Variants in PLCG2 observed in about 807,000 individuals in gnomAD.
The protein encoded by PLCG2 is 1-phosphatidylinositol 4,5-bisphosphate phosphodiesterase gamma-2.
Under a neutral mutation model 175.6 loss-of-function variants are expected in PLCG2, and 69 were observed. That is an observed-to-expected ratio of 0.39 (90% CI 0.32 to 0.48). The LOEUF (loss-of-function observed/expected upper bound fraction) is 0.48, where lower values mean the gene tolerates loss of function less well. Among genes scored for constraint, PLCG2 ranks in the 20% least tolerant of loss-of-function variants. The pLI is 0.91. For missense variants in PLCG2, 1,798 were observed against 1,650.9 expected (o/e 1.09, Z -1.54); for synonymous variants, 827 against 624.0 (o/e 1.33, Z -4.85).
intron 5 of PLCG2, among the ~76,000 whole-genome samples, chr16:81,867,008 T>C (rs1366598314): frequency 6.6e-6 from 1 of 152,202 alleles, no homozygotes; most frequent in Non-Finnish European, 1.5e-5. Flanking sequence ...GCCCTCAAGG[T>C]CTGTCTGTGA....
Position 81,785,981 on chromosome 16 carries a change from C to T in PLCG2, c.-9C>T, listed in dbSNP as rs752145398. On this transcript the variant is annotated 5_prime_UTR_variant, in exon 2 of 33. Coordinates refer to ENST00000564138, the MANE Select transcript of PLCG2 (RefSeq NM_002661.5). The stretch of plus-strand genomic sequence containing the variant: ...CCCGATTCCTTCCTTCTCCCTGGAG[C>T]GGCCGACAATGTCCACCACGGTCAA... The T allele has an allele frequency of 4.9e-5, 79 of 1,609,598 alleles. No homozygotes were observed. The highest frequency in any genetic ancestry group is 5.6e-5 in the Non-Finnish European group (66 of 1,176,808).
At chr16:81,787,932 G>A (rs181861364) in intron 2 of PLCG2, among the ~76,000 whole-genome samples, 135 of 151,680 alleles carry the variant, frequency 8.9e-4, no homozygotes, top group African/African-American at 3.2e-3. Context: ...ATCACGATAC[G>A]TTGTATGGGT....
chr16:81,905,885 C>T (rs1046989756), intron 15 of PLCG2, among the ~76,000 whole-genome samples: 39 of 152,158 alleles, frequency 2.6e-4, no homozygotes, highest in African/African-American at 7.7e-4. Context: ...ATTTCAAACT[C>T]CTGGGCTCAA....
chr16:81,783,121 T>C (rs1283118461), intron 1 of PLCG2: 1 of 490,426 alleles, frequency 2.0e-6, no homozygotes, highest in Non-Finnish European at 4.1e-6. Context: ...CTTGTCCTGG[T>C]TTCTGTCTAA....
At chr16:81,822,183 G>C (rs1425879538) in intron 2 of PLCG2, among the ~76,000 whole-genome samples, 1 of 152,106 alleles carries the variant, frequency 6.6e-6, no homozygotes, top group Non-Finnish European at 1.5e-5. Context: ...GGGTGTGGGG[G>C]ATTGAGATTT....
intron 21 of PLCG2, among the ~76,000 whole-genome samples, chr16:81,922,666 A>T (rs1910106166): frequency 6.6e-6 from 1 of 152,160 alleles, no homozygotes; most frequent in African/African-American, 2.4e-5. Flanking sequence ...CTGTGTTCTG[A>T]GGAAAAATTT....
intron 7 of PLCG2, among the ~76,000 whole-genome samples, chr16:81,873,069 A>T (rs939225603): frequency 4.6e-5 from 7 of 152,134 alleles, no homozygotes; most frequent in African/African-American, 1.7e-4. Context: ...CAATGTGTTC[A>T]TTTTTTCTCA....
chr16:81,869,283 T>G lies in PLCG2; in HGVS notation c.549T>G (p.Leu183=), dbSNP rs950525775. Residue 183 remains leucine, a synonymous_variant, in exon 6 of 33, where the codon CTT becomes CTG. Coordinates refer to ENST00000564138, the MANE Select transcript of PLCG2 (RefSeq NM_002661.5). ...TTAAAGTGAGCAGTGCCAAGTTCCT[T>G]AAAGATAAGTTTGTGGTAAGTTTCA... is the stretch of plus-strand genomic sequence containing the variant. ...INFKVSSAKF[L]KDKFVEIGAH... The G allele has an allele frequency of 6.2e-7, 1 of 1,612,134 alleles. No homozygotes were observed. The highest frequency in any genetic ancestry group is 8.5e-7 in the Non-Finnish European group (1 of 1,178,252).
At chr16:81,873,437 A>G (rs1432873501) in intron 7 of PLCG2, among the ~76,000 whole-genome samples, 1 of 152,270 alleles carries the variant, frequency 6.6e-6, no homozygotes, top group African/African-American at 2.4e-5. Flanking sequence ...AACATGTCAT[A>G]GAATAATGAT....
chr16:81,938,893 C>G lies in PLCG2; in HGVS notation c.3291C>G (p.Asn1097Lys), dbSNP rs1910825289. The G allele has an allele frequency of 2.5e-6, 4 of 1,609,058 alleles. No homozygotes were observed. The highest frequency in any genetic ancestry group is 1.3e-5 in the African/African-American group (1 of 74,388). The change falls in exon 29 of 33, where the codon AAC becomes AAG. Residue 1097 changes from asparagine to lysine, a missense_variant. Coordinates refer to ENST00000564138, the MANE Select transcript of PLCG2 (RefSeq NM_002661.5). ...TCTGTGGAGCCGAGTATGACAACAA[C>G]AAGTTCAAGACGACGGTTGTGAGTA... ...VEICGAEYDNNKFKTTVVNDN... is the reference protein window; with the variant it reads ...VEICGAEYDNKKFKTTVVNDN...
chr16:81,938,316 T>C (rs553559401), intron 28 of PLCG2, among the ~76,000 whole-genome samples: 4 of 152,194 alleles, frequency 2.6e-5, no homozygotes, highest in Non-Finnish European at 5.9e-5. Context: ...GTGTTGTTGC[T>C]TTGTAAGAAT....
At chr16:81,893,279 G>C (rs1908724466) in intron 11 of PLCG2, among the ~76,000 whole-genome samples, 2 of 152,202 alleles carry the variant, frequency 1.3e-5, no homozygotes, top group African/African-American at 4.8e-5. Flanking sequence ...TGCACCAACA[G>C]TTGTTGAATA....
intron 19 of PLCG2, 82 bp from the exon 20 acceptor site, chr16:81,919,402 G>T: frequency 2.9e-6 from 3 of 1,047,250 alleles, no homozygotes; most frequent in Admixed American, 1.8e-5. Context: ...TAACTAGGTT[G>T]TATCTAATCA....
intron 2 of PLCG2, among the ~76,000 whole-genome samples, chr16:81,791,441 C>G (rs750698375): frequency 6.6e-6 from 1 of 152,162 alleles, no homozygotes; most frequent in African/African-American, 2.4e-5. Context: ...CTGGGCAATT[C>G]TTCTACTCTT....
intron 11 of PLCG2, 87 bp downstream of exon 11, chr16:81,891,677 C>A (rs1908644874): frequency 9.0e-6 from 7 of 777,858 alleles, no homozygotes; most frequent in Non-Finnish European, 1.4e-5. Context: ...CTCCGGTGAG[C>A]CCTGTTGTGA....
At chr16:81,848,548 A>T (rs937988977) in intron 2 of PLCG2, among the ~76,000 whole-genome samples, 1 of 151,868 alleles carries the variant, frequency 6.6e-6, no homozygotes, top group African/African-American at 2.4e-5. Flanking sequence ...GCTTTTCTGT[A>T]CCTGGTCTCT....
chr16:81,767,285 C>T (rs890759531), intron 2 of PLCG2, among the ~76,000 whole-genome samples: 7 of 151,874 alleles, frequency 4.6e-5, no homozygotes, highest in African/African-American at 7.3e-5. Flanking sequence ...GCTGGGGTTA[C>T]GGGCGTCTGC....
chr16:81,942,929 T>TA (rs1340403350), intron 30 of PLCG2, among the ~76,000 whole-genome samples: 49 of 151,392 alleles, frequency 3.2e-4, no homozygotes, highest in Admixed American at 7.2e-4. Context: ...TTTTTTTTTT[T>TA]TTTATACAAG....
Position 81,946,282 on chromosome 16 carries a change from G to T in PLCG2, c.3570+19G>T, listed in dbSNP as rs754740722. 9.5e-6 allele frequency: 15 copies of T among 1,586,744 alleles called. No individual in the cohort carries two copies. Among genetic ancestry groups the T allele is most frequent in the African/African-American group, 1.3e-5 (1 of 74,366 alleles). ...AGTCCTGGTGAGTGGAGAAACACCA[G>T]TTAAGGGTTCCCTGAGCTATGCCTG... On this transcript the variant is annotated intron_variant, in intron 31 of 32. Coordinates refer to ENST00000564138, the MANE Select transcript of PLCG2 (RefSeq NM_002661.5).
Sources: gnomAD v4.1 joint callset for allele counts (sites outside exome capture counted in the v4.1 genomes callset) on GRCh38, gnomAD v4.1.1 for gene constraint, MANE v1.5 for transcripts, NCBI Gene and HGNC (gene_info 2026-07-23, HGNC 2026-07-21) for gene names.